SARNP: variants seen among roughly 807,000 people sequenced by gnomAD.
SARNP encodes SAP domain containing ribonucleoprotein.
SARNP carries 5 observed loss-of-function variants against 38.1 expected under a neutral mutation model. That is an observed-to-expected ratio of 0.13 (90% CI 0.07 to 0.28). The LOEUF (loss-of-function observed/expected upper bound fraction) is 0.28. Ranked by LOEUF, SARNP falls within the 10% of genes least tolerant of loss-of-function variation. The probability of loss-of-function intolerance (pLI) is 1.00; values close to 1 mark genes in which losing one functional copy is unlikely to be tolerated. For synonymous variants in SARNP, 84 were observed against 80.6 expected (o/e 1.04, Z -0.23); for missense variants, 180 against 243.9 (o/e 0.74, Z 1.75).
intron 9 of SARNP, among the ~76,000 whole-genome samples, chr12:55,765,596 C>T (rs934625728): frequency 4.0e-5 from 6 of 151,798 alleles, no homozygotes; most frequent in African/African-American, 1.2e-4. Flanking sequence ...CCTTTCACCT[C>T]GCCTCCCAAA....
chr12:55,776,852 A>G (rs940046858), intron 9 of SARNP, among the ~76,000 whole-genome samples: 1 of 152,238 alleles, frequency 6.6e-6, no homozygotes, highest in Admixed American at 6.5e-5. Context: ...CAATAAGCCC[A>G]TCTCAAGAAC....
At chr12:55,793,687 T>C (rs997227612) in intron 7 of SARNP, 4 of 152,270 alleles carry the variant, frequency 2.6e-5, no homozygotes, top group African/African-American at 7.2e-5. Flanking sequence ...AAGTGTCTAC[T>C]ATGTATCCTT....
At chr12:55,780,835 A>G (rs1327025303) in intron 9 of SARNP, among the ~76,000 whole-genome samples, 1 of 152,242 alleles carries the variant, frequency 6.6e-6, no homozygotes, top group Non-Finnish European at 1.5e-5. Context: ...GAACAGGGCA[A>G]GATTTTATCA....
At chr12:55,772,336 G>A (rs1008534967) in intron 9 of SARNP, among the ~76,000 whole-genome samples, 1 of 152,088 alleles carries the variant, frequency 6.6e-6, no homozygotes, top group African/African-American at 2.4e-5. Flanking sequence ...AAAGTTACAC[G>A]ACAATTAGAG....
intron 10 of SARNP, among the ~76,000 whole-genome samples, chr12:55,759,917 T>C (rs1878624132): frequency 6.6e-6 from 1 of 151,764 alleles, no homozygotes; most frequent in Non-Finnish European, 1.5e-5. Context: ...TTTGTATTTT[T>C]AGTAGAGACA....
At chr12:55,798,057 C>A (rs946475066) in intron 4 of SARNP, among the ~76,000 whole-genome samples, 1 of 152,198 alleles carries the variant, frequency 6.6e-6, no homozygotes, top group African/African-American at 2.4e-5. Flanking sequence ...GATCTTCTTT[C>A]TTGTTCCAGA....
intron 9 of SARNP, among the ~76,000 whole-genome samples, chr12:55,768,124 TCTTA>T (rs1878899090): frequency 6.6e-6 from 1 of 151,810 alleles, no homozygotes; most frequent in African/African-American, 2.4e-5. Flanking sequence ...TCTCTCTCTC[TCTTA>T]TTTATTTATT....
At chr12:55,765,615 AT>A (rs1455181154) in intron 9 of SARNP, among the ~76,000 whole-genome samples, 1 of 151,752 alleles carries the variant, frequency 6.6e-6, no homozygotes, top group African/African-American at 2.4e-5. Flanking sequence ...AAGTGCTGGG[AT>A]TACAGGCATG....
intron 1 of SARNP, among the ~76,000 whole-genome samples, chr12:55,808,788 GAAT>G (rs1172666966): frequency 1.3e-5 from 2 of 151,630 alleles, no homozygotes; most frequent in African/African-American, 4.9e-5. Context: ...AGAAACAGAT[GAAT>G]AAAAACATAA....
chr12:55,778,626 A>G (rs1879254234), intron 9 of SARNP, among the ~76,000 whole-genome samples: 1 of 152,206 alleles, frequency 6.6e-6, no homozygotes, highest in Admixed American at 6.5e-5. Flanking sequence ...TCAAAGTATT[A>G]TGAATGAAAA....
intron 9 of SARNP, among the ~76,000 whole-genome samples, chr12:55,782,749 TG>T (rs1222450702): frequency 1.3e-5 from 2 of 152,090 alleles, no homozygotes; most frequent in Non-Finnish European, 2.9e-5. Flanking sequence ...ACACTGCACC[TG>T]GCTAATTTGT....
chr12:55,766,616 C>CGGGGGGGG lies in SARNP; in HGVS notation c.502-5984_502-5977dup, dbSNP rs58583137. On this transcript the variant is annotated intron_variant, in intron 9 of 10. Coordinates refer to ENST00000336133, the MANE Select transcript of SARNP (RefSeq NM_033082.4). ...CTATATATTTTGTGGGTTTTTTTGG[C>CGGGGGGGG]GGGGGGGGGGGGGGGGTTGTTTTTT... 1.4e-3 allele frequency among the ~76,000 whole-genome samples: 55 copies of CGGGGGGGG among 38,104 alleles called. 2 individuals are homozygous for CGGGGGGGG. The highest frequency in any genetic ancestry group is 3.7e-3 in the Admixed American group (8 of 2,148). 25.0% of individuals were successfully genotyped at this position (38,104 alleles called of 152,430 possible).
At chr12:55,802,936 A>C (rs970804476) in intron 2 of SARNP, among the ~76,000 whole-genome samples, 38 of 151,870 alleles carry the variant, frequency 2.5e-4, no homozygotes, top group East Asian at 3.9e-4. Context: ...AAAAAAAAAA[A>C]AACACAATAC....
chr12:55,760,424 C>T (rs1025735891), intron 10 of SARNP, 127 bp downstream of exon 10: 1 of 626,076 alleles, frequency 1.6e-6, no homozygotes, highest in African/African-American at 1.8e-5. Context: ...GCAACAGAGA[C>T]CCCAACTCGA....
At chr12:55,812,274 T>C (rs547358778) in intron 1 of SARNP, among the ~76,000 whole-genome samples, 4 of 152,368 alleles carry the variant, frequency 2.6e-5, no homozygotes, top group East Asian at 1.9e-4. Context: ...CTATTTAAAA[T>C]TACAATACCC....
At chr12:55,794,680 A>G in intron 6 of SARNP, 127 bp downstream of exon 6, 2 of 667,932 alleles carry the variant, frequency 3.0e-6, no homozygotes, top group Non-Finnish European at 5.3e-6. Context: ...AGGGTCAAAA[A>G]AGTGTTCATA....
At chr12:55,753,560 C>G (rs569649154), downstream of SARNP, 1 of 151,882 alleles carries the variant, frequency 6.6e-6, no homozygotes, top group Non-Finnish European at 1.5e-5. Flanking sequence ...ATGCAAGGTC[C>G]GGAGTTCGAG....
chr12:55,785,104 A>G (rs1879451299), intron 9 of SARNP, among the ~76,000 whole-genome samples: 1 of 152,224 alleles, frequency 6.6e-6, no homozygotes, highest in Non-Finnish European at 1.5e-5. Context: ...TGTATTTTAT[A>G]GAAGTATCCC....
intron 1 of SARNP, among the ~76,000 whole-genome samples, chr12:55,804,432 A>T (rs1319051723): frequency 6.6e-6 from 1 of 151,320 alleles, no homozygotes; most frequent in Admixed American, 6.6e-5. Context: ...AAAAAAAAAC[A>T]CTTCTTCAGG....
Sources: allele counts gnomAD v4.1 joint callset (sites outside exome capture counted in the v4.1 genomes callset), GRCh38; gene constraint gnomAD v4.1.1; transcripts MANE v1.5; gene names NCBI Gene and HGNC (gene_info 2026-07-23, HGNC 2026-07-21).